The following ELAVL3 variants were observed in gnomAD, a reference collection of about 807,000 sequenced individuals.
ELAVL3 encodes the protein ELAV like RNA binding protein 3, also known as ELAV-like protein 3.
A neutral mutation model predicts 34.2 loss-of-function variants in ELAVL3; 8 were observed. The ratio of observed to expected loss-of-function variants is 0.23; its 90% CI spans 0.14 to 0.42. The LOEUF is 0.42. Ranked by LOEUF, ELAVL3 falls within the 10% of genes least tolerant of loss-of-function variation. ELAVL3 has a pLI of 1.00. For missense variants in ELAVL3, 273 were observed against 518.8 expected, an observed-to-expected ratio of 0.53 and a Z score of 4.60; for synonymous variants, 209 against 222.1, an observed-to-expected ratio of 0.94 and a Z score of 0.53.
At chr19:11,463,257 G>A (rs1970929266) in intron 3 of ELAVL3, among the ~76,000 whole-genome samples, 1 of 152,124 alleles carries the variant, frequency 6.6e-6, no homozygotes, top group Admixed American at 6.5e-5. Flanking sequence ...GGCCTGGCCC[G>A]CGGCAGGCAG....
rs1971052641 is a variant in ELAVL3, at chr19:11,466,365, A to G, written c.230-90T>C. 5 of 1,286,284 alleles carry G rather than the reference A, an allele frequency of 3.9e-6. No individual in the cohort carries two copies. In the Admixed American group the frequency reaches 5.5e-5, roughly 14 times the overall value. The allele number at this position is 1,286,284 out of a possible 1,614,324, so 79.7% of individuals were successfully genotyped here. A position where few individuals can be genotyped will look rare whatever the true frequency, so the allele number is the denominator to read the frequency against. On this transcript the variant is annotated intron_variant, in intron 2 of 6. Transcript: ENST00000359227. The surrounding 1 kb of genome is among the most constrained non-coding windows in gnomAD (Gnocchi z 5.0). ...AGGCCTGAGAGACTGTCCCCTCCCCACCAAGTTTCCACCTTCCTGTTTCCA... is the reference window on the plus strand; with the variant it reads ...AGGCCTGAGAGACTGTCCCCTCCCCGCCAAGTTTCCACCTTCCTGTTTCCA...
chr19:11,454,818 G>C lies in ELAVL3; in HGVS notation c.812C>G (p.Ala271Gly). 1 of 1,610,312 alleles carries C rather than the reference G, an allele frequency of 6.2e-7. No homozygotes were observed. Among genetic ancestry groups the C allele is most frequent in the Non-Finnish European group, 8.5e-7 (1 of 1,179,036 alleles). ...PIAIDGMSGL[A>G]GVGLSGGAAG... ...CGCGCCCCCCGACAGGCCCACGCCC[G>C]CCAGGCCGCTCATACCATCGATGGC... The change falls in exon 7 of 7, where the codon GCG (alanine) becomes GGG (glycine). Residue 271 changes from alanine to glycine, a missense_variant. Ala to Gly is a moderately conservative substitution (Grantham distance 60). Transcript: ENST00000359227. This position sits in a 1 kb window ranked among gnomAD's most constrained non-coding sequence, Gnocchi z 9.2.
At chr19:11,479,603 C>G (rs898615883) in intron 1 of ELAVL3, among the ~76,000 whole-genome samples, 3 of 151,466 alleles carry the variant, frequency 2.0e-5, no homozygotes, top group Non-Finnish European at 4.4e-5. Context: ...CCCGGGCTGC[C>G]GAGTGGGAAT....
intron 3 of ELAVL3, among the ~76,000 whole-genome samples, chr19:11,463,628 T>C (rs116049570): frequency 0.058 from 8,765 of 151,968 alleles, 651 homozygotes; most frequent in African/African-American, 0.17. Flanking sequence ...TGAGGCCCCA[T>C]CAGGTCACAG....
chr19:11,478,725 C>T (rs377180656), intron 1 of ELAVL3, among the ~76,000 whole-genome samples: 4 of 152,266 alleles, frequency 2.6e-5, no homozygotes, highest in African/African-American at 7.2e-5. Context: ...TTTCCACCAT[C>T]GCACATACAT....
chr19:11,470,300 A>G (rs1211913784), intron 1 of ELAVL3, among the ~76,000 whole-genome samples: 1 of 151,968 alleles, frequency 6.6e-6, no homozygotes, highest in Admixed American at 6.6e-5. Flanking sequence ...GGCTGCAGTG[A>G]GCTGAGCTCG....
At position 11,470,545 on chromosome 19, in the gene ELAVL3, C is replaced by T. The variant is rs569916937; in HGVS notation, c.10-3718G>A. Among the ~76,000 whole-genome samples, 66 of 149,550 alleles carry T rather than the reference C, an allele frequency of 4.4e-4. No homozygotes were observed. The East Asian group carries it at 5.6e-3, about 13-fold the overall frequency. ...AAAAAAAATTAGCCGGGCGTGGTGG[C>T]GCATGTCTGTAATCCCAGCTACTCA... On this transcript the variant is annotated intron_variant, in intron 1 of 6. Transcript: ENST00000359227.
intron 1 of ELAVL3, among the ~76,000 whole-genome samples, chr19:11,472,667 C>T (rs1971186941): frequency 6.6e-6 from 1 of 151,684 alleles, no homozygotes; most frequent in Non-Finnish European, 1.5e-5. Context: ...CACCACTGTA[C>T]TCCAGCCTGG....
At position 11,451,598 on chromosome 19, in the gene ELAVL3, GGGGCTGAGC is replaced by G. The variant is rs1970635549; in HGVS notation, c.*2919_*2927del. The G allele has an allele frequency of 6.6e-6, 1 of 151,174 alleles. No individual in the cohort carries two copies. Among genetic ancestry groups the G allele is most frequent in the African/African-American group, 2.4e-5 (1 of 41,184 alleles). The allele number at this position is 151,174 out of a possible 1,614,324, so 9.4% of individuals were successfully genotyped here. A position where few individuals can be genotyped will look rare whatever the true frequency, so the allele number is the denominator to read the frequency against. ...ATAACAGGATGAAGGGAGGGGTGGA[GGGGCTGAGC>G]CCCCTCCCCCCTGGCCTGGCCCCTG... On this transcript the variant is annotated 3_prime_UTR_variant, in exon 7 of 7. Transcript: ENST00000359227.
At chr19:11,472,943 T>A (rs1233597539) in intron 1 of ELAVL3, among the ~76,000 whole-genome samples, 1 of 151,984 alleles carries the variant, frequency 6.6e-6, no homozygotes, top group Non-Finnish European at 1.5e-5. Flanking sequence ...GGTGGGCACC[T>A]GTAATCCCAG....
At chr19:11,473,314 G>A (rs535107304) in intron 1 of ELAVL3, among the ~76,000 whole-genome samples, 21 of 151,920 alleles carry the variant, frequency 1.4e-4, no homozygotes, top group Non-Finnish European at 2.2e-4. Flanking sequence ...GCAATGAGCC[G>A]AGATCGCACC....
At chr19:11,474,853 G>A (rs1470674757) in intron 1 of ELAVL3, among the ~76,000 whole-genome samples, 5 of 152,100 alleles carry the variant, frequency 3.3e-5, no homozygotes, top group South Asian at 2.1e-4. Context: ...TTTTTGAGAC[G>A]GAGTCTTGCT....
chr19:11,471,192 C>G (rs1405135271), intron 1 of ELAVL3, among the ~76,000 whole-genome samples: 1 of 151,900 alleles, frequency 6.6e-6, no homozygotes, highest in Non-Finnish European at 1.5e-5. Context: ...CGCCTGTAAT[C>G]TCAGCTACTC....
chr19:11,478,267 C>A (rs1200258356), intron 1 of ELAVL3, among the ~76,000 whole-genome samples: 1 of 152,162 alleles, frequency 6.6e-6, no homozygotes, highest in African/African-American at 2.4e-5. Context: ...GTGGTTCAGA[C>A]CCAGGTTCTT....
At chr19:11,477,155 C>T (rs1971277652) in intron 1 of ELAVL3, among the ~76,000 whole-genome samples, 1 of 152,206 alleles carries the variant, frequency 6.6e-6, no homozygotes. Flanking sequence ...CCTCCTCATG[C>T]TGTCCTCTGA....
At chr19:11,474,880 A>C (rs1971234545) in intron 1 of ELAVL3, among the ~76,000 whole-genome samples, 1 of 152,114 alleles carries the variant, frequency 6.6e-6, no homozygotes, top group South Asian at 2.1e-4. Flanking sequence ...CCCAGGCTGG[A>C]GTGCAGTGGC....
chr19:11,465,685 C>T (rs1403191805), intron 3 of ELAVL3, among the ~76,000 whole-genome samples: 1 of 152,108 alleles, frequency 6.6e-6, no homozygotes, highest in Non-Finnish European at 1.5e-5. Context: ...GTTTCCATGA[C>T]GATTCCCCCC....
chr19:11,480,210 G>A lies in ELAVL3; in HGVS notation c.9+390C>T. On this transcript the variant is annotated intron_variant, in intron 1 of 6. Transcript: ENST00000359227. This position sits in a 1 kb window ranked among gnomAD's most constrained non-coding sequence, Gnocchi z 6.8. Reference sequence around the variant, plus strand: ...GCTCTCGGGGACGCTTTGTCGCTTTGGCTTGGCCCAGCACCAGTGATCGGG... The same window carrying A: ...GCTCTCGGGGACGCTTTGTCGCTTTAGCTTGGCCCAGCACCAGTGATCGGG... 1 of 208,012 alleles carries A rather than the reference G, an allele frequency of 4.8e-6. No homozygotes were observed. Among genetic ancestry groups the A allele is most frequent in the South Asian group, 1.9e-4 (1 of 5,330 alleles). 12.9% of individuals were successfully genotyped at this position (208,012 alleles called of 1,614,324 possible).
At chr19:11,457,946 C>T (rs1439841181) in intron 5 of ELAVL3, 115 bp downstream of exon 5, 3 of 1,121,510 alleles carry the variant, frequency 2.7e-6, no homozygotes, top group East Asian at 2.5e-5. Flanking sequence ...GGCTCCTTGG[C>T]TCCCATGTGT....
Sources: gnomAD v4.1 joint callset for allele counts (sites outside exome capture counted in the v4.1 genomes callset) on GRCh38, gnomAD v4.1.1 for gene constraint, Gnocchi (gnomAD v3.1) non-coding constraint, MANE v1.5 for transcripts, NCBI Gene and HGNC (gene_info 2026-07-23, HGNC 2026-07-21) for gene names.